Variants in RAPGEF4 observed in about 807,000 individuals in gnomAD.
The protein encoded by RAPGEF4 is RAP guanine-nucleotide-exchange factor (GEF) 4.
RAPGEF4 carries 66 observed loss-of-function variants against 147.9 expected under a neutral mutation model. The ratio of observed to expected loss-of-function variants is 0.45; its 90% CI spans 0.37 to 0.55. The LOEUF is 0.55. RAPGEF4 is among the 20% of genes least tolerant of loss of function. The probability of loss-of-function intolerance (pLI) is 0.00; values close to 1 mark genes in which losing one functional copy is unlikely to be tolerated. For synonymous variants in RAPGEF4, 419 were observed against 442.7 expected, an observed-to-expected ratio of 0.95 and a Z score of 0.67; for missense variants, 1,071 against 1,257.3, an observed-to-expected ratio of 0.85 and a Z score of 2.24.
intron 4 of RAPGEF4, among the ~76,000 whole-genome samples, chr2:172,877,584 T>C (rs981308065): frequency 1.8e-4 from 28 of 151,440 alleles, no homozygotes; most frequent in Admixed American, 3.9e-4. Context: ...ACCTGGATGA[T>C]GAGCTGTTCC....
At chr2:172,785,143 C>A (rs1252714906) in intron 1 of RAPGEF4, among the ~76,000 whole-genome samples, 1 of 152,168 alleles carries the variant, frequency 6.6e-6, no homozygotes, top group South Asian at 2.1e-4. Context: ...ATTCTTAATA[C>A]CTGTTTTATC....
chr2:172,906,369 C>T (rs1273303807), intron 4 of RAPGEF4, among the ~76,000 whole-genome samples: 1 of 152,190 alleles, frequency 6.6e-6, no homozygotes, highest in African/African-American at 2.4e-5. Flanking sequence ...CGCTGCCTCT[C>T]CTTATTCTGT....
At chr2:172,857,881 C>CAAAAAAAAAAAA (rs774649796) in intron 4 of RAPGEF4, among the ~76,000 whole-genome samples, 2 of 60,484 alleles carry the variant, frequency 3.3e-5, no homozygotes, top group African/African-American at 1.6e-4. Context: ...GACCCTGTCT[C>CAAAAAAAAAAAA]AAAAAAAAAA....
At chr2:173,012,482 T>C (rs1471360697) in intron 17 of RAPGEF4, among the ~76,000 whole-genome samples, 4 of 152,200 alleles carry the variant, frequency 2.6e-5, no homozygotes, top group Non-Finnish European at 5.9e-5. Context: ...GTCATCCAAG[T>C]TTCTGCACAA....
At chr2:172,861,868 C>A (rs1694086520) in intron 4 of RAPGEF4, among the ~76,000 whole-genome samples, 1 of 152,194 alleles carries the variant, frequency 6.6e-6, no homozygotes, top group South Asian at 2.1e-4. Context: ...GCACCCAGTG[C>A]TCTGTCAAGT....
chr2:172,920,500 T>C (rs1038807364), intron 5 of RAPGEF4, among the ~76,000 whole-genome samples: 11 of 152,172 alleles, frequency 7.2e-5, no homozygotes, highest in African/African-American at 2.7e-4. Context: ...TCTTTTAATG[T>C]TAGACAGTCT....
At chr2:172,815,859 A>C (rs1482648828) in intron 4 of RAPGEF4, among the ~76,000 whole-genome samples, 1 of 152,210 alleles carries the variant, frequency 6.6e-6, no homozygotes, top group African/African-American at 2.4e-5. Flanking sequence ...CATTAAAACA[A>C]ACTTATTATT....
At chr2:172,802,880 G>A (rs1298106394) in intron 3 of RAPGEF4, among the ~76,000 whole-genome samples, 1 of 152,212 alleles carries the variant, frequency 6.6e-6, no homozygotes, top group African/African-American at 2.4e-5. Context: ...CCCCATGCAA[G>A]TCTGAAATCC....
At chr2:173,000,853 T>G (rs1240740642) in intron 16 of RAPGEF4, among the ~76,000 whole-genome samples, 10 of 151,974 alleles carry the variant, frequency 6.6e-5, no homozygotes, top group Non-Finnish European at 1.5e-5. Flanking sequence ...TCATTGCTTC[T>G]TTTGGAAATA....
chr2:172,754,299 G>C (rs959613803), intron 1 of RAPGEF4, among the ~76,000 whole-genome samples: 21 of 152,218 alleles, frequency 1.4e-4, no homozygotes, highest in Admixed American at 1.2e-3. Flanking sequence ...AAATCATACA[G>C]ATCATGTGGC....
intron 29 of RAPGEF4, among the ~76,000 whole-genome samples, chr2:173,038,181 T>A (rs1046140760): frequency 3.9e-5 from 6 of 152,182 alleles, no homozygotes; most frequent in African/African-American, 1.4e-4. Flanking sequence ...AACATCTTAC[T>A]CCTGTGTCAA....
At chr2:172,941,837 C>T (rs770454162) in intron 6 of RAPGEF4, among the ~76,000 whole-genome samples, 1 of 152,138 alleles carries the variant, frequency 6.6e-6, no homozygotes, top group South Asian at 2.1e-4. Flanking sequence ...ATAGAATCTA[C>T]TTCCTCACTT....
chr2:172,795,711 A>G (rs1257837910), intron 2 of RAPGEF4, among the ~76,000 whole-genome samples: 1 of 152,250 alleles, frequency 6.6e-6, no homozygotes, highest in Non-Finnish European at 1.5e-5. Flanking sequence ...TAATTGGAAT[A>G]TTCAATGACT....
At chr2:172,740,628 G>A (rs932347206) in intron 1 of RAPGEF4, among the ~76,000 whole-genome samples, 1 of 152,200 alleles carries the variant, frequency 6.6e-6, no homozygotes, top group Non-Finnish European at 1.5e-5. Flanking sequence ...AGAAGCATCA[G>A]ACATGGGTCC....
chr2:172,941,090 C>T (rs898240713), intron 6 of RAPGEF4, among the ~76,000 whole-genome samples: 13 of 152,142 alleles, frequency 8.5e-5, no homozygotes, highest in African/African-American at 3.1e-4. Context: ...CTTATACTTA[C>T]ATATTAGTTC....
chr2:172,836,875 T>C (rs1330702215), intron 4 of RAPGEF4, among the ~76,000 whole-genome samples: 1 of 152,210 alleles, frequency 6.6e-6, no homozygotes, highest in East Asian at 1.9e-4. Flanking sequence ...TATTTCTATT[T>C]TTGTGATTTC....
intron 4 of RAPGEF4, among the ~76,000 whole-genome samples, chr2:172,898,487 G>A (rs891267553): frequency 6.6e-6 from 1 of 152,136 alleles, no homozygotes; most frequent in African/African-American, 2.4e-5. Flanking sequence ...TGGACCCACT[G>A]GGACAAGCTC....
intron 5 of RAPGEF4, 47 bp downstream of exon 5, chr2:172,917,921 G>A (rs1318048944): frequency 6.5e-7 from 1 of 1,542,168 alleles, no homozygotes; most frequent in South Asian, 1.1e-5. Flanking sequence ...TTGTCGTGTG[G>A]TATGTGTTTT....
intron 4 of RAPGEF4, among the ~76,000 whole-genome samples, chr2:172,909,594 G>A (rs564732904): frequency 2.6e-5 from 4 of 152,252 alleles, no homozygotes; most frequent in East Asian, 1.9e-4. Flanking sequence ...CTCCACAGCC[G>A]GAGTGTGGAG....
Sources: allele counts gnomAD v4.1 joint callset (sites outside exome capture counted in the v4.1 genomes callset), GRCh38; gene constraint gnomAD v4.1.1; transcripts MANE v1.5; gene names NCBI Gene and HGNC (gene_info 2026-07-23, HGNC 2026-07-21).